CTNNA3: variants seen among roughly 807,000 people sequenced by gnomAD.
CTNNA3 encodes catenin alpha-3.
In CTNNA3, 76 loss-of-function variants were observed where a neutral mutation model predicts 95.7. The ratio of observed to expected loss-of-function variants is 0.79; its 90% CI spans 0.66 to 0.96. CTNNA3 has a LOEUF of 0.96. Ranked by LOEUF, CTNNA3 falls within the 40% of genes least tolerant of loss-of-function variation. CTNNA3 has a pLI of 0.00. For synonymous variants in CTNNA3, 431 were observed against 374.4 expected, an observed-to-expected ratio of 1.15 and a Z score of -1.74; for missense variants, 1,191 against 1,089.8, an observed-to-expected ratio of 1.09 and a Z score of -1.31.
intron 5 of CTNNA3, among the ~76,000 whole-genome samples, chr10:67,499,210 G>C (rs568720937): frequency 1.1e-4 from 16 of 152,262 alleles, no homozygotes; most frequent in African/African-American, 3.8e-4. Flanking sequence ...TTTGTCGTTG[G>C]TTCTGTTTAG....
intron 13 of CTNNA3, among the ~76,000 whole-genome samples, chr10:66,123,264 G>A (rs2082663493): frequency 6.6e-6 from 1 of 152,102 alleles, no homozygotes; most frequent in African/African-American, 2.4e-5. Context: ...GGGGCTACAG[G>A]CACCATGCAA....
chr10:66,717,828 G>A (rs756257552), intron 9 of CTNNA3, among the ~76,000 whole-genome samples: 1 of 152,134 alleles, frequency 6.6e-6, no homozygotes, highest in Non-Finnish European at 1.5e-5. Context: ...GAATGCTGAC[G>A]ATTCAATTTG....
intron 12 of CTNNA3, among the ~76,000 whole-genome samples, chr10:66,352,319 C>A (rs781386921): frequency 6.6e-6 from 1 of 152,004 alleles, no homozygotes; most frequent in Non-Finnish European, 1.5e-5. Context: ...GGGGAAGGAA[C>A]ATACACAATG....
chr10:66,258,717 C>T (rs1039646385), intron 13 of CTNNA3, among the ~76,000 whole-genome samples: 4 of 152,060 alleles, frequency 2.6e-5, no homozygotes, highest in African/African-American at 9.7e-5. Context: ...AATCCCTCCC[C>T]ACCTCCCAGC....
intron 1 of CTNNA3, among the ~76,000 whole-genome samples, chr10:67,685,133 C>G (rs1840705842): frequency 6.6e-6 from 1 of 152,158 alleles, no homozygotes; most frequent in African/African-American, 2.4e-5. Flanking sequence ...TCTGAGAAAT[C>G]CTTTGAGAGT....
At chr10:66,989,565 A>G (rs1341745539) in intron 7 of CTNNA3, among the ~76,000 whole-genome samples, 2 of 152,190 alleles carry the variant, frequency 1.3e-5, no homozygotes, top group Non-Finnish European at 2.9e-5. Context: ...TCAAATATCC[A>G]TGTTAGCTAA....
At chr10:67,488,667 G>A (rs867504442) in intron 5 of CTNNA3, among the ~76,000 whole-genome samples, 106 of 124,482 alleles carry the variant, frequency 8.5e-4, no homozygotes, top group African/African-American at 4.3e-3. Flanking sequence ...CAAAGTGCCC[G>A]GCCTCTTTTT....
chr10:66,260,418 C>A (rs182279126), intron 13 of CTNNA3, among the ~76,000 whole-genome samples: 6 of 152,222 alleles, frequency 3.9e-5, no homozygotes, highest in Non-Finnish European at 8.8e-5. Flanking sequence ...TCTGTACCCA[C>A]AAAAGATGAT....
intron 11 of CTNNA3, among the ~76,000 whole-genome samples, chr10:66,430,388 A>C (rs2093283569): frequency 6.6e-6 from 1 of 152,200 alleles, no homozygotes; most frequent in African/African-American, 2.4e-5. Flanking sequence ...TCTTCACAGA[A>C]TTGGAAAAAG....
intron 1 of CTNNA3, among the ~76,000 whole-genome samples, chr10:67,672,186 G>A (rs112944699): frequency 0.13 from 19,351 of 152,090 alleles, 1,353 homozygotes; most frequent in Non-Finnish European, 0.16. Context: ...CATATCCTTC[G>A]CCCACTTTTT....
chr10:67,053,536 T>G (rs886693312), intron 7 of CTNNA3, among the ~76,000 whole-genome samples: 6 of 152,168 alleles, frequency 3.9e-5, no homozygotes, highest in Non-Finnish European at 7.3e-5. Context: ...AGAGTTAGCA[T>G]TAAAAATAGT....
chr10:67,294,705 T>G (rs74866351), intron 5 of CTNNA3, among the ~76,000 whole-genome samples: 2,422 of 152,256 alleles, frequency 0.016, 68 homozygotes, highest in African/African-American at 0.053. Context: ...TCTCTTTTAC[T>G]GGGGGAAAGT....
At chr10:66,489,787 T>G (rs1839860953) in intron 11 of CTNNA3, among the ~76,000 whole-genome samples, 1 of 152,176 alleles carries the variant, frequency 6.6e-6, no homozygotes, top group African/African-American at 2.4e-5. Context: ...GGATTCTTTG[T>G]TAATGACTGG....
chr10:67,430,101 T>C (rs1846060546), intron 5 of CTNNA3, among the ~76,000 whole-genome samples: 1 of 151,976 alleles, frequency 6.6e-6, no homozygotes, highest in African/African-American at 2.4e-5. Flanking sequence ...CCTTTATATT[T>C]CATTTTCAAG....
chr10:67,038,707 A>G (rs1376022244), intron 7 of CTNNA3, among the ~76,000 whole-genome samples: 2 of 152,092 alleles, frequency 1.3e-5, no homozygotes, highest in Non-Finnish European at 2.9e-5. Flanking sequence ...AACAATTAAC[A>G]GGGTTAACAG....
chr10:66,633,298 A>T (rs1174315009), intron 9 of CTNNA3, among the ~76,000 whole-genome samples: 1 of 151,948 alleles, frequency 6.6e-6, no homozygotes, highest in Admixed American at 6.5e-5. Context: ...CTGTAAAAAA[A>T]ATAAAATGTT....
chr10:66,924,529 A>C (rs1589431051), intron 7 of CTNNA3, among the ~76,000 whole-genome samples: 1 of 152,238 alleles, frequency 6.6e-6, no homozygotes, highest in East Asian at 1.9e-4. Context: ...TTAAAGATAA[A>C]GTTCAGATGA....
chr10:67,104,719 A>G (rs111409922), intron 7 of CTNNA3, among the ~76,000 whole-genome samples: 1 of 152,104 alleles, frequency 6.6e-6, no homozygotes, highest in Non-Finnish European at 1.5e-5. Context: ...CAGGATCTGA[A>G]CATATAGCAT....
intron 5 of CTNNA3, among the ~76,000 whole-genome samples, chr10:67,343,048 G>A (rs928041905): frequency 3.9e-5 from 6 of 152,102 alleles, no homozygotes; most frequent in East Asian, 1.9e-4. Context: ...TGCCTCCCAC[G>A]TTCAAGCAAT....
Sources: gnomAD v4.1 joint callset for allele counts (sites outside exome capture counted in the v4.1 genomes callset) on GRCh38, gnomAD v4.1.1 for gene constraint, MANE v1.5 for transcripts, NCBI Gene and HGNC (gene_info 2026-07-23, HGNC 2026-07-21) for gene names.